Variants in ADAM18 observed in about 807,000 individuals in gnomAD.
The protein encoded by ADAM18 is disintegrin and metalloproteinase domain-containing protein 18.
ADAM18 carries 117 observed loss-of-function variants against 94.4 expected under a neutral mutation model. The observed-to-expected ratio is 1.24, with a 90% CI of 1.07 to 1.45. The LOEUF (loss-of-function observed/expected upper bound fraction) is 1.45, where lower values mean the gene tolerates loss of function less well. ADAM18 is among the 40% of genes most tolerant of loss of function. ADAM18 has a pLI of 0.00. For synonymous variants in ADAM18, 327 were observed against 291.6 expected (o/e 1.12, Z -1.24); for missense variants, 936 against 880.0 (o/e 1.06, Z -0.81).
intron 18 of ADAM18, among the ~76,000 whole-genome samples, chr8:39,721,677 T>C (rs1822753567): frequency 1.3e-5 from 2 of 151,530 alleles, no homozygotes; most frequent in Non-Finnish European, 3.0e-5. Context: ...GCATCACTAA[T>C]CATCAGAGAA....
chr8:39,688,576 T>C (rs1308816402), intron 16 of ADAM18, among the ~76,000 whole-genome samples: 1 of 152,236 alleles, frequency 6.6e-6, no homozygotes, highest in Non-Finnish European at 1.5e-5. Context: ...ATTTTTTTTA[T>C]GTCTGCATAG....
chr8:39,708,826 G>A (rs1822312447), intron 18 of ADAM18, among the ~76,000 whole-genome samples: 1 of 152,144 alleles, frequency 6.6e-6, no homozygotes, highest in African/African-American at 2.4e-5. Context: ...GGTGCAGGGT[G>A]CAGGGGCCAA....
intron 12 of ADAM18, among the ~76,000 whole-genome samples, chr8:39,651,373 C>G (rs1820530411): frequency 6.6e-6 from 1 of 152,172 alleles, no homozygotes; most frequent in African/African-American, 2.4e-5. Flanking sequence ...ACGTTCAGGT[C>G]TTTGCCTTCC....
intron 18 of ADAM18, among the ~76,000 whole-genome samples, 193 bp from the exon 19 acceptor site, chr8:39,723,555 A>C (rs1563321915): frequency 6.6e-6 from 1 of 151,756 alleles, no homozygotes; most frequent in Non-Finnish European, 1.5e-5. Flanking sequence ...AATATTAAAT[A>C]AATATGTGTA....
intron 17 of ADAM18, among the ~76,000 whole-genome samples, chr8:39,694,400 T>C (rs1821866488): frequency 6.6e-6 from 1 of 151,478 alleles, no homozygotes; most frequent in African/African-American, 2.4e-5. Context: ...TTTAAAATAG[T>C]AAGCCAACTT....
intron 14 of ADAM18, among the ~76,000 whole-genome samples, chr8:39,669,961 T>A (rs1043295137): frequency 2.6e-5 from 4 of 152,212 alleles, no homozygotes; most frequent in African/African-American, 9.6e-5. Flanking sequence ...TTTCTCCACA[T>A]CCTCTCCAGC....
In ADAM18 at chr8:39,652,030, C is replaced by CA. The variant is rs532289893; in HGVS notation, c.1230+3507dup. On this transcript the variant is annotated intron_variant, in intron 12 of 19. Transcript: ENST00000265707. ...AGAACAAAATTAGACTCTTGTCTCA[C>CA]AAAATATAAAAAACCAATGCAAAAT... Among the ~76,000 whole-genome samples the CA allele has an allele frequency of 3.4e-3, 511 of 152,032 alleles. 4 individuals are homozygous for CA. Among genetic ancestry groups the CA allele is most frequent in the Admixed American group, 6.9e-3 (105 of 15,252 alleles).
chr8:39,700,331 A>G (rs1822030547), intron 17 of ADAM18, among the ~76,000 whole-genome samples: 1 of 152,182 alleles, frequency 6.6e-6, no homozygotes, highest in Non-Finnish European at 1.5e-5. Context: ...TTATGTAAGC[A>G]GTTTTCTCAT....
At chr8:39,617,783 A>G (rs960382388) in intron 6 of ADAM18, among the ~76,000 whole-genome samples, 1 of 152,082 alleles carries the variant, frequency 6.6e-6, no homozygotes, top group Non-Finnish European at 1.5e-5. Context: ...TGGGAGGTAA[A>G]CATCGAGTAC....
At chr8:39,584,934 C>T (rs1320182688) in intron 1 of ADAM18, among the ~76,000 whole-genome samples, 1 of 152,154 alleles carries the variant, frequency 6.6e-6, no homozygotes, top group Admixed American at 6.5e-5. Flanking sequence ...TGGCATCTTC[C>T]CACTCTGTGA....
chr8:39,606,474 C>T (rs546251497), intron 3 of ADAM18, 112 bp downstream of exon 3: 19 of 556,060 alleles, frequency 3.4e-5, no homozygotes, highest in Non-Finnish European at 5.5e-5. Context: ...ATAATGTAGA[C>T]TTGTTTTATC....
At chr8:39,596,918 T>C (rs1490457913) in intron 2 of ADAM18, among the ~76,000 whole-genome samples, 1 of 152,176 alleles carries the variant, frequency 6.6e-6, no homozygotes, top group Non-Finnish European at 1.5e-5. Context: ...CTTAATAATG[T>C]ATAAGGATTA....
chr8:39,675,149 C>T (rs888731803), intron 14 of ADAM18, among the ~76,000 whole-genome samples: 1 of 152,060 alleles, frequency 6.6e-6, no homozygotes, highest in Non-Finnish European at 1.5e-5. Flanking sequence ...CTCTGTATTT[C>T]TGAATTTGAA....
chr8:39,636,897 T>C (rs1359353503), intron 7 of ADAM18, among the ~76,000 whole-genome samples: 2 of 151,516 alleles, frequency 1.3e-5, no homozygotes, highest in East Asian at 3.9e-4. Context: ...GATCATGTAG[T>C]ATTTTCTTTT....
At chr8:39,627,543 C>CT (rs1006561940) in intron 6 of ADAM18, among the ~76,000 whole-genome samples, 41 of 152,140 alleles carry the variant, frequency 2.7e-4, no homozygotes, top group African/African-American at 9.9e-4. Context: ...TCCTGCTTGC[C>CT]TTTAGTTTCT....
chr8:39,626,205 G>A (rs1585912456), intron 6 of ADAM18, among the ~76,000 whole-genome samples: 1 of 152,250 alleles, frequency 6.6e-6, no homozygotes, highest in Admixed American at 6.5e-5. Flanking sequence ...GTGCATAGAA[G>A]TGTTCATAGT....
chr8:39,728,591 A>C (rs866510851), intron 19 of ADAM18, among the ~76,000 whole-genome samples: 12 of 152,202 alleles, frequency 7.9e-5, no homozygotes, highest in South Asian at 2.1e-4. Context: ...TTAAATAAAT[A>C]TGACATACAA....
At chr8:39,617,048 A>G (rs888151910) in intron 6 of ADAM18, among the ~76,000 whole-genome samples, 69 of 152,360 alleles carry the variant, frequency 4.5e-4, no homozygotes, top group African/African-American at 1.6e-3. Flanking sequence ...GCTTCTGCAC[A>G]ACAAAAGAAA....
rs36132674 is a variant in ADAM18, at chr8:39,712,912, G to A, written c.2017+6008G>A. Among the ~76,000 whole-genome samples the A allele has an allele frequency of 3.3e-5, 5 of 151,976 alleles. No homozygotes were observed. The East Asian group carries it at 7.7e-4, about 24-fold the overall frequency. ...GCCATCCCCATCAAGCTACCAATGA[G>A]TTTCTTCACAGAATTGGAAAAAACT... On this transcript the variant is annotated intron_variant, in intron 18 of 19. Coordinates refer to ENST00000265707, the MANE Select transcript of ADAM18 (RefSeq NM_014237.3).
Sources: gnomAD v4.1 joint callset for allele counts (sites outside exome capture counted in the v4.1 genomes callset) on GRCh38, gnomAD v4.1.1 for gene constraint, MANE v1.5 for transcripts, NCBI Gene and HGNC (gene_info 2026-07-23, HGNC 2026-07-21) for gene names.